The following PRG2 variants were observed in gnomAD, a reference collection of about 807,000 sequenced individuals.
PRG2 encodes proteoglycan 2, pro eosinophil major basic protein, also known as bone marrow proteoglycan.
Under a neutral mutation model 24.7 loss-of-function variants are expected in PRG2, and 23 were observed. The observed-to-expected ratio is 0.93, with a 90% CI of 0.67 to 1.32. PRG2 has a LOEUF of 1.32. Ranked by LOEUF, PRG2 falls within the 40% of genes most tolerant of loss-of-function variation. The probability of loss-of-function intolerance (pLI) is 0.00; values close to 1 mark genes in which losing one functional copy is unlikely to be tolerated. For missense variants in PRG2, 271 were observed against 280.9 expected, an observed-to-expected ratio of 0.96 and a Z score of 0.25; for synonymous variants, 104 against 99.8, an observed-to-expected ratio of 1.04 and a Z score of -0.25.
chr11:57,389,457 T>A, intron 2 of PRG2, 140 bp from the exon 3 acceptor site: 1 of 974,836 alleles, frequency 1.0e-6, no homozygotes, highest in Non-Finnish European at 1.5e-6. Flanking sequence ...CCAGTCTCTA[T>A]GAGGGGAACC....
intron 3 of PRG2, 47 bp downstream of exon 3, chr11:57,388,963 A>C: frequency 6.3e-7 from 1 of 1,583,302 alleles, no homozygotes; most frequent in Non-Finnish European, 8.6e-7. Flanking sequence ...GGCATATCCC[A>C]CACCCGTTCC....
At chr11:57,388,505 C>A in intron 4 of PRG2, 72 bp downstream of exon 4, 1 of 1,587,506 alleles carries the variant, frequency 6.3e-7, no homozygotes, top group Non-Finnish European at 8.6e-7. Context: ...GAAAAACAGA[C>A]AAATCTGATG....
intron 4 of PRG2, 94 bp from the exon 5 acceptor site, chr11:57,387,959 C>A (rs1446758954): frequency 5.7e-6 from 5 of 881,602 alleles, no homozygotes; most frequent in Non-Finnish European, 1.7e-6. Flanking sequence ...TGCTGCCCAC[C>A]GGGCAATGGG....
Position 57,387,522 on chromosome 11 carries a change from G to A in PRG2, c.622C>T (p.Arg208Cys), listed in dbSNP as rs1183701808. ...AGTCTTCTGAGGCAGTGGGCTCGAC[G>A]CCAGTGGCCTCCTGTGAAGGCAGAA... ...VALCTRGGHWRRAHCLRRLPF... is the reference protein window; with the variant it reads ...VALCTRGGHWCRAHCLRRLPF... The change falls in exon 6 of 6, where the codon CGT becomes TGT. Residue 208 changes from arginine to cysteine, a missense_variant. Coordinates refer to ENST00000311862, the MANE Select transcript of PRG2 (RefSeq NM_002728.6). The A allele has an allele frequency of 5.6e-6, 9 of 1,613,632 alleles. No individual in the cohort carries two copies. Among genetic ancestry groups the A allele is most frequent in the South Asian group, 1.1e-5 (1 of 91,066 alleles).
At chr11:57,390,021 C>T in intron 1 of PRG2, 65 bp from the exon 2 acceptor site, 1 of 1,348,474 alleles carries the variant, frequency 7.4e-7, no homozygotes, top group South Asian at 1.3e-5. Context: ...ATCACAATCA[C>T]ACCATTAGGG....
chr11:57,389,511 G>C (rs920060400), intron 2 of PRG2, among the ~76,000 whole-genome samples, 194 bp from the exon 3 acceptor site: 1 of 152,226 alleles, frequency 6.6e-6, no homozygotes, highest in Non-Finnish European at 1.5e-5. Flanking sequence ...CATGGACTTA[G>C]AGTCGGGCAG....
intron 5 of PRG2, 57 bp downstream of exon 5, chr11:57,387,697 T>C (rs1329129699): frequency 6.9e-7 from 1 of 1,446,648 alleles, no homozygotes; most frequent in Non-Finnish European, 9.3e-7. Flanking sequence ...CATCTCCTCC[T>C]TGGGGCACTT....
rs144365065 is a variant in PRG2 at position 57,387,395 on chromosome 11, G to A, written c.*80C>T. The A allele has an allele frequency of 4.8e-6, 6 of 1,246,290 alleles. No homozygotes were observed. Among genetic ancestry groups the A allele is most frequent in the East Asian group, 2.3e-5 (1 of 42,710 alleles). The allele number at this position is 1,246,290 out of a possible 1,614,324, so 77.2% of individuals were successfully genotyped here. A position where few individuals can be genotyped will look rare whatever the true frequency, so the allele number is the denominator to read the frequency against. On this transcript the variant is annotated 3_prime_UTR_variant, in exon 6 of 6. Coordinates refer to ENST00000311862, the MANE Select transcript of PRG2 (RefSeq NM_002728.6). ...GTAAAACCCATTTTATTGCAGGGAG[G>A]TGGAGGGAGGGATGGCAAGCAGAGG...
intron 5 of PRG2, 95 bp downstream of exon 5, chr11:57,387,659 C>T: frequency 7.3e-7 from 1 of 1,371,032 alleles, no homozygotes; most frequent in Non-Finnish European, 1.0e-6. Context: ...CAGGAAGCCT[C>T]TCCCACAAAG....
At position 57,389,801 on chromosome 11, in the gene PRG2, A is replaced by T. The variant is rs561775499; in HGVS notation, c.58+86T>A. 4.0e-5 allele frequency: 48 copies of T among 1,198,156 alleles called. 1 individual carries two copies. The African/African-American group carries it at 4.6e-4, about 11-fold the overall frequency. 74.2% of individuals were successfully genotyped at this position (1,198,156 alleles called of 1,614,324 possible). ...ATTCAGAAATAGAAGACGATCAAAG[A>T]AGGGGGTGGGTGTGTAACTCTGACC... On this transcript the variant is annotated intron_variant, in intron 2 of 5. Coordinates refer to ENST00000311862, the MANE Select transcript of PRG2 (RefSeq NM_002728.6).
rs751986113 is a variant in PRG2 at position 57,387,731 on chromosome 11, G to C, written c.610+23C>G. ...TTCCCATCTCCCAGACCTTTCCATC[G>C]TTCATCCCCAGCCCCACCTCACCTC... On this transcript the variant is annotated intron_variant, in intron 5 of 5. Transcript: ENST00000311862. 1.8e-5 allele frequency: 27 copies of C among 1,527,754 alleles called. No individual in the cohort carries two copies. The East Asian group carries it at 5.8e-4, about 33-fold the overall frequency. 94.6% of individuals were successfully genotyped at this position (1,527,754 alleles called of 1,614,324 possible).
At chr11:57,390,096 C>T (rs1415725093) in intron 1 of PRG2, 140 bp from the exon 2 acceptor site, 5 of 709,130 alleles carry the variant, frequency 7.1e-6, no homozygotes, top group Admixed American at 5.3e-5. Flanking sequence ...CAGAAAAGCT[C>T]ATGCCAAGCC....
rs1857093910 is a variant in PRG2 at position 57,388,614 on chromosome 11, T to C, written c.461A>G (p.Gln154Arg). The C allele has an allele frequency of 1.2e-6, 2 of 1,614,002 alleles. No individual in the cohort carries two copies. Among genetic ancestry groups the C allele is most frequent in the Non-Finnish European group, 1.7e-6 (2 of 1,179,898 alleles). ...RIQCSVSALN[Q>R]GQVWIGGRIT... ...CCTGCCTCCAATCCAGACTTGACCC[T>C]GGTTGAGCGCGCTGACAGAACACTG... Residue 154 changes from glutamine (Q) to arginine (R), a missense_variant, in exon 4 of 6, where the codon CAG becomes CGG. By Grantham distance (43) the Gln-to-Arg change is conservative. Transcript: ENST00000311862.
chr11:57,388,109 C>CA (rs1044716279), intron 4 of PRG2, among the ~76,000 whole-genome samples: 1 of 152,152 alleles, frequency 6.6e-6, no homozygotes, highest in African/African-American at 2.4e-5. Context: ...CAAGGGTTGC[C>CA]AACTCATCCT....
At chr11:57,387,599 C>G in intron 5 of PRG2, 66 bp from the exon 6 acceptor site, 1 of 1,501,696 alleles carries the variant, frequency 6.7e-7, no homozygotes, top group Non-Finnish European at 9.2e-7. Context: ...CACAGGAGGG[C>G]CTCTTTTCCC....
At position 57,389,922 on chromosome 11, in the gene PRG2, G is replaced by A. The variant is rs777335608; in HGVS notation, c.23C>T (p.Ala8Val). MKLPLLL[A>V]LLFGAVSALH... ...AGCAGAAACTGCCCCAAATAGAAGA[G>A]CCAGAAGTAAGGGGAGTTTCATCTT... Residue 8 changes from alanine to valine, a missense_variant, in exon 2 of 6, where the codon GCT becomes GTT. Coordinates refer to ENST00000311862, the MANE Select transcript of PRG2 (RefSeq NM_002728.6). 1.9e-6 allele frequency: 3 copies of A among 1,612,786 alleles called. No homozygotes were observed.
intron 2 of PRG2, 64 bp downstream of exon 2, chr11:57,389,823 G>T: frequency 7.0e-7 from 1 of 1,425,102 alleles, no homozygotes; most frequent in South Asian, 1.2e-5. Flanking sequence ...GTGTAACTCT[G>T]ACCCCATCTA....
Position 57,387,341 on chromosome 11 carries a change from C to T in PRG2, c.*134G>A, listed in dbSNP as rs543694227. ...ATGAGGGCTAAGCAGAGTGGATCCG[C>T]GATCAGAGGAGAAAATAAATCCATT... On this transcript the variant is annotated 3_prime_UTR_variant, in exon 6 of 6. Coordinates refer to ENST00000311862, the MANE Select transcript of PRG2 (RefSeq NM_002728.6). 53 of 766,328 alleles carry T rather than the reference C, an allele frequency of 6.9e-5. No individual in the cohort carries two copies. The African/African-American group carries it at 7.1e-4, about 10-fold the overall frequency. 47.5% of individuals were successfully genotyped at this position (766,328 alleles called of 1,614,324 possible).
chr11:57,388,611 C>A lies in PRG2; in HGVS notation c.464G>T (p.Gly155Val), dbSNP rs758760583. The A allele has an allele frequency of 7.4e-6, 12 of 1,613,936 alleles. No individual in the cohort carries two copies. Among genetic ancestry groups the A allele is most frequent in the Non-Finnish European group, 1.0e-5 (12 of 1,179,884 alleles). The change falls in exon 4 of 6, where the codon GGT (glycine) becomes GTT (valine). Residue 155 changes from glycine to valine, a missense_variant. Physicochemically the swap from Gly to Val is moderately radical, Grantham distance 109 (BLOSUM62 -3). Transcript: ENST00000311862. The part of the protein sequence containing the change: ...IQCSVSALNQ[G>V]QVWIGGRITG... ...GATCCTGCCTCCAATCCAGACTTGA[C>A]CCTGGTTGAGCGCGCTGACAGAACA...
Sources: gnomAD v4.1 joint callset for allele counts (sites outside exome capture counted in the v4.1 genomes callset) on GRCh38, gnomAD v4.1.1 for gene constraint, MANE v1.5 for transcripts, NCBI Gene and HGNC (gene_info 2026-07-23, HGNC 2026-07-21) for gene names.